Variants in PCDHA4 observed in about 807,000 individuals in gnomAD.
PCDHA4 encodes protocadherin alpha-4.
In PCDHA4, 49 loss-of-function variants were observed where a neutral mutation model predicts 61.4. The ratio of observed to expected loss-of-function variants is 0.80; its 90% confidence interval spans 0.63 to 1.01. The LOEUF (loss-of-function observed/expected upper bound fraction) is 1.01. PCDHA4 is among the 50% of genes least tolerant of loss of function. The pLI, the probability that PCDHA4 is intolerant of heterozygous loss-of-function variation, is 0.00. For missense variants in PCDHA4, 1,254 were observed against 1,235.8 expected (o/e 1.01, Z -0.22); for synonymous variants, 590 against 550.3 (o/e 1.07, Z -1.01).
chr5:140,980,562 G>A (rs944389305), intron 2 of PCDHA4, among the ~76,000 whole-genome samples: 2 of 152,048 alleles, frequency 1.3e-5, no homozygotes, highest in Non-Finnish European at 2.9e-5. Context: ...CCCGGGAGGC[G>A]GAAGTTGCAG....
chr5:140,883,679 G>T (rs781987468), intron 1 of PCDHA4: 1 of 1,613,678 alleles, frequency 6.2e-7, no homozygotes, highest in Non-Finnish European at 8.5e-7. Flanking sequence ...CAATCCGCCG[G>T]GCTGCCACAT....
chr5:140,838,676 C>G (rs1236293841), intron 1 of PCDHA4, among the ~76,000 whole-genome samples: 2 of 151,972 alleles, frequency 1.3e-5, no homozygotes, highest in African/African-American at 2.4e-5. Context: ...TGGCACACAC[C>G]TTTAACCCCA....
At chr5:140,962,084 A>G (rs541325949) in intron 1 of PCDHA4, among the ~76,000 whole-genome samples, 1 of 152,028 alleles carries the variant, frequency 6.6e-6, no homozygotes, top group African/African-American at 2.4e-5. Flanking sequence ...ACGGGGTTTC[A>G]CCATGTTAGC....
At chr5:140,916,714 G>C (rs1457405124) in intron 1 of PCDHA4, among the ~76,000 whole-genome samples, 1 of 152,172 alleles carries the variant, frequency 6.6e-6, no homozygotes, top group African/African-American at 2.4e-5. Context: ...CAGAAGGAAG[G>C]AGTGACTTTT....
chr5:140,933,853 A>AT (rs2089460601), intron 1 of PCDHA4, among the ~76,000 whole-genome samples: 2 of 151,568 alleles, frequency 1.3e-5, no homozygotes, highest in Non-Finnish European at 3.0e-5. Context: ...TGTACCTTTA[A>AT]TTTTTTCAGA....
In PCDHA4 at chr5:141,011,694, G is replaced by A. The variant is rs1473857552; in HGVS notation, c.*1757G>A. 1.3e-5 allele frequency: 2 copies of A among 153,662 alleles called. No individual in the cohort carries two copies. Among genetic ancestry groups the A allele is most frequent in the African/African-American group, 4.8e-5 (2 of 41,412 alleles). The allele number at this position is 153,662 out of a possible 1,614,324, so 9.5% of individuals were successfully genotyped here. On this transcript the variant is annotated 3_prime_UTR_variant, in exon 4 of 4. Coordinates refer to ENST00000530339, the MANE Select transcript of PCDHA4 (RefSeq NM_018907.4). The stretch of plus-strand genomic sequence containing the variant: ...CTGTTTTGTTCTAGTAACAATTTTG[G>A]AATGAATACTGACAATATTCCATGA...
rs782339436 is a variant in PCDHA4, at chr5:140,928,591, G to A, written c.2386-50358G>A. The A allele has an allele frequency of 3.1e-6, 5 of 1,614,230 alleles. No individual in the cohort carries two copies. The South Asian group carries it at 5.5e-5, about 18-fold the overall frequency. ...CTTGCCCAGAAATGGTTCTGTCCCA[G>A]TGGAAATTGTGCCCCGCTCTGCCAG... On this transcript the variant is annotated intron_variant, in intron 1 of 3. Coordinates refer to ENST00000530339, the MANE Select transcript of PCDHA4 (RefSeq NM_018907.4).
chr5:140,849,985 G>A lies in PCDHA4; in HGVS notation c.2385+40413G>A, dbSNP rs2150461572. On this transcript the variant is annotated intron_variant, in intron 1 of 3. Coordinates refer to ENST00000530339, the MANE Select transcript of PCDHA4 (RefSeq NM_018907.4). ...CTGGTGTCCTACTCGCTGGTGGAGC[G>A]GCGGTTGGGCGAGCGCTCGCTGTCG... 42 of 1,597,276 alleles carry A rather than the reference G, an allele frequency of 2.6e-5. No homozygotes were observed. The East Asian group carries it at 9.4e-4, about 36-fold the overall frequency.
chr5:140,976,689 T>TTTGCA (rs1280133734), intron 1 of PCDHA4, among the ~76,000 whole-genome samples: 2 of 152,232 alleles, frequency 1.3e-5, no homozygotes, highest in East Asian at 3.8e-4. Context: ...GCAATTTAAG[T>TTTGCA]ACAATAATGT....
intron 1 of PCDHA4, among the ~76,000 whole-genome samples, chr5:140,898,131 T>C (rs371489317): frequency 6.6e-6 from 1 of 152,156 alleles, no homozygotes; most frequent in Non-Finnish European, 1.5e-5. Context: ...TTCTCCCATT[T>C]TGTAGGTTGC....
chr5:140,966,812 C>T, intron 1 of PCDHA4: 1 of 1,550,798 alleles, frequency 6.4e-7, no homozygotes, highest in East Asian at 2.4e-5. Flanking sequence ...GCATCCACGG[C>T]TCCGGCGGCC....
chr5:140,823,295 T>C (rs1383597975), intron 1 of PCDHA4: 2 of 1,612,142 alleles, frequency 1.2e-6, no homozygotes, highest in African/African-American at 2.7e-5. Flanking sequence ...TCGAGTTACG[T>C]TTCGGTGCAC....
At chr5:140,862,999 C>T (rs547997534) in intron 1 of PCDHA4, 28 of 550,142 alleles carry the variant, frequency 5.1e-5, no homozygotes, top group African/African-American at 4.9e-4. Context: ...GCACGGTGGA[C>T]TCCAGCTATG....
intron 1 of PCDHA4, among the ~76,000 whole-genome samples, chr5:140,974,337 T>TA (rs2096623719): frequency 6.6e-6 from 1 of 152,214 alleles, no homozygotes; most frequent in Admixed American, 6.5e-5. Context: ...GCTAGCAGGC[T>TA]ATGCATCCAG....
At chr5:140,975,364 C>G (rs2096664243) in intron 1 of PCDHA4, among the ~76,000 whole-genome samples, 1 of 152,204 alleles carries the variant, frequency 6.6e-6, no homozygotes, top group South Asian at 2.1e-4. Flanking sequence ...TGCTACATAG[C>G]ATAATGTAAT....
intron 1 of PCDHA4, chr5:140,851,862 A>G: frequency 2.0e-6 from 2 of 976,238 alleles, no homozygotes; most frequent in Non-Finnish European, 2.5e-6. Context: ...CAGCTCATAC[A>G]TAACACAAGG....
At chr5:140,989,413 T>G (rs1234033175) in intron 3 of PCDHA4, among the ~76,000 whole-genome samples, 3 of 152,172 alleles carry the variant, frequency 2.0e-5, no homozygotes, top group Non-Finnish European at 4.4e-5. Context: ...GAGTCTGCAC[T>G]TCACTCTGTG....
At chr5:140,814,873 T>C (rs1206145263) in intron 1 of PCDHA4, 1 of 152,240 alleles carries the variant, frequency 6.6e-6, no homozygotes, top group African/African-American at 2.4e-5. Context: ...TGTTTTAATG[T>C]TGGGTGCATA....
At chr5:140,834,577 G>C (rs1554134334) in intron 1 of PCDHA4, 2 of 1,614,058 alleles carry the variant, frequency 1.2e-6, no homozygotes, top group Non-Finnish European at 1.7e-6. Context: ...CGCCTGTTCC[G>C]GGCGGTGTGC....
Sources: allele counts gnomAD v4.1 joint callset (sites outside exome capture counted in the v4.1 genomes callset), GRCh38; gene constraint gnomAD v4.1.1; transcripts MANE v1.5; gene names NCBI Gene and HGNC (gene_info 2026-07-23, HGNC 2026-07-21).